Variants in HIBCH observed in about 807,000 individuals in gnomAD.
The protein encoded by HIBCH is 3-hydroxyisobutyryl-CoA hydrolase.
HIBCH carries 50 observed loss-of-function variants against 58.2 expected under a neutral mutation model. The ratio of observed to expected loss-of-function variants is 0.86; its 90% CI spans 0.68 to 1.09. The LOEUF is 1.09. HIBCH is among the 50% of genes least tolerant of loss of function. The pLI is 0.00. For missense variants in HIBCH, 450 were observed against 449.7 expected (o/e 1.00, Z -0.01); for synonymous variants, 151 against 146.9 (o/e 1.03, Z -0.20).
At chr2:190,222,314 T>G (rs1451353536) in intron 11 of HIBCH, among the ~76,000 whole-genome samples, 1 of 152,138 alleles carries the variant, frequency 6.6e-6, no homozygotes, top group Non-Finnish European at 1.5e-5. Context: ...TCCTAGCACC[T>G]GTGCACTACA....
At chr2:190,256,198 T>A (rs999083318) in intron 7 of HIBCH, among the ~76,000 whole-genome samples, 1 of 152,082 alleles carries the variant, frequency 6.6e-6, no homozygotes, top group Admixed American at 6.6e-5. Flanking sequence ...CAATTCAAGA[T>A]GAGATTTGGG....
chr2:190,315,978 A>T lies in HIBCH; in HGVS notation c.35+3738T>A, dbSNP rs1016372331. Among the ~76,000 whole-genome samples, 3 of 152,186 alleles carry T rather than the reference A, an allele frequency of 2.0e-5. No individual in the cohort carries two copies. Among genetic ancestry groups the T allele is most frequent in the Non-Finnish European group, 4.4e-5 (3 of 68,032 alleles). On this transcript the variant is annotated intron_variant, in intron 1 of 13. Coordinates refer to ENST00000359678, the MANE Select transcript of HIBCH (RefSeq NM_014362.4). This position sits in a 1 kb window ranked among gnomAD's most constrained non-coding sequence, Gnocchi z 5.4. ...GACTAGAGGTTGAAAGAAAAGTTAG[A>T]ACTAAAGGTATATCTTATGCCACAT...
At chr2:190,271,072 C>T (rs1687383469) in intron 6 of HIBCH, among the ~76,000 whole-genome samples, 1 of 151,776 alleles carries the variant, frequency 6.6e-6, no homozygotes, top group Non-Finnish European at 1.5e-5. Flanking sequence ...AATTCATCTC[C>T]CTTCACTCTC....
rs1232401935 is a variant in HIBCH, at chr2:190,304,573, C to T, written c.78+6181G>A. On this transcript the variant is annotated intron_variant, in intron 2 of 13. Coordinates refer to ENST00000359678, the MANE Select transcript of HIBCH (RefSeq NM_014362.4). The surrounding 1 kb of genome is among the most constrained non-coding windows in gnomAD (Gnocchi z 4.1). ...TACATCCACACTGGGGGTTAAATTT[C>T]GAAATGAGTTTTGGAGCGGGCAAAT... is the stretch of plus-strand genomic sequence containing the variant. Among the ~76,000 whole-genome samples, 3 of 152,224 alleles carry T rather than the reference C, an allele frequency of 2.0e-5. No homozygotes were observed. The highest frequency in any genetic ancestry group is 2.1e-4 in the South Asian group (1 of 4,824).
At chr2:190,262,113 A>G (rs934913518) in intron 6 of HIBCH, among the ~76,000 whole-genome samples, 16 of 151,782 alleles carry the variant, frequency 1.1e-4, no homozygotes, top group African/African-American at 1.7e-4. Context: ...CATTTGAGCT[A>G]AAGATGACAA....
chr2:190,272,316 G>A (rs1269410622), intron 6 of HIBCH, among the ~76,000 whole-genome samples: 1 of 152,166 alleles, frequency 6.6e-6, no homozygotes, highest in Admixed American at 6.5e-5. Context: ...GGGTAAAATA[G>A]TTGAGAACAA....
chr2:190,241,869 G>C (rs866071011), intron 11 of HIBCH, among the ~76,000 whole-genome samples: 1 of 152,172 alleles, frequency 6.6e-6, no homozygotes, highest in Non-Finnish European at 1.5e-5. Flanking sequence ...TGGGTAACCC[G>C]ACCTTTCTCT....
chr2:190,294,292 A>C (rs1688047979), intron 4 of HIBCH, among the ~76,000 whole-genome samples: 1 of 151,954 alleles, frequency 6.6e-6, no homozygotes, highest in Admixed American at 6.6e-5. Flanking sequence ...GTGATGATTC[A>C]GGGAGAGAGA....
chr2:190,252,695 T>A (rs1453965833), intron 7 of HIBCH, among the ~76,000 whole-genome samples: 1 of 152,172 alleles, frequency 6.6e-6, no homozygotes, highest in Non-Finnish European at 1.5e-5. Flanking sequence ...ATACATAACC[T>A]ATGGCCTATT....
intron 6 of HIBCH, among the ~76,000 whole-genome samples, chr2:190,286,368 G>C (rs1043856824): frequency 6.6e-6 from 1 of 152,104 alleles, no homozygotes; most frequent in Non-Finnish European, 1.5e-5. Context: ...GTGGGTCTTT[G>C]GGTCTTCTTT....
chr2:190,255,742 C>T (rs914070493), intron 7 of HIBCH, among the ~76,000 whole-genome samples: 7 of 152,080 alleles, frequency 4.6e-5, no homozygotes, highest in African/African-American at 9.7e-5. Flanking sequence ...AGAATTCCCA[C>T]AACAGAGTAC....
chr2:190,236,528 A>G lies in HIBCH; in HGVS notation c.891+8359T>C, dbSNP rs1254593203. 6.6e-6 allele frequency among the ~76,000 whole-genome samples: 1 copy of G among 152,216 alleles called. No individual in the cohort carries two copies. The highest frequency in any genetic ancestry group is 1.5e-5 in the Non-Finnish European group (1 of 68,030). On this transcript the variant is annotated intron_variant, in intron 11 of 13. Coordinates refer to ENST00000359678, the MANE Select transcript of HIBCH (RefSeq NM_014362.4). The surrounding 1 kb of genome is among the most constrained non-coding windows in gnomAD (Gnocchi z 4.1). ...GACAATAAACCAATACAAATACAAA[A>G]TATTTAAAACAAGAACAAGTCAATG...
At chr2:190,287,503 T>A (rs1687860766) in intron 6 of HIBCH, 83 bp downstream of exon 6, 1 of 883,414 alleles carries the variant, frequency 1.1e-6, no homozygotes, top group Admixed American at 1.8e-5. Context: ...ATTACATTCA[T>A]CAGCTCACTT....
intron 9 of HIBCH, among the ~76,000 whole-genome samples, chr2:190,247,550 T>C (rs1686646410): frequency 6.6e-6 from 1 of 152,228 alleles, no homozygotes; most frequent in African/African-American, 2.4e-5. Flanking sequence ...TCCCTCTATC[T>C]TCTTTACTAT....
intron 11 of HIBCH, 69 bp from the exon 12 acceptor site, chr2:190,213,144 G>A (rs1690553696): frequency 8.3e-7 from 1 of 1,208,804 alleles, no homozygotes. Flanking sequence ...AATGGGCAGA[G>A]TGTCTATGTA....
intron 11 of HIBCH, among the ~76,000 whole-genome samples, chr2:190,231,165 G>GA (rs889125872): frequency 2.1e-4 from 32 of 152,058 alleles, no homozygotes; most frequent in Admixed American, 6.6e-5. Flanking sequence ...AATAATGTGG[G>GA]AAAAAATTAA....
At chr2:190,280,107 A>ACC (rs1687664667) in intron 6 of HIBCH, 1 of 152,246 alleles carries the variant, frequency 6.6e-6, no homozygotes, top group African/African-American at 2.4e-5. Context: ...GGCACCGGGG[A>ACC]ACAAGGATTT....
intron 6 of HIBCH, among the ~76,000 whole-genome samples, chr2:190,274,837 T>C (rs762112689): frequency 6.6e-6 from 1 of 152,202 alleles, no homozygotes; most frequent in East Asian, 1.9e-4. Context: ...TCTCTGTTGA[T>C]AGGAGTCTCT....
At chr2:190,257,788 G>C (rs1217192729) in intron 7 of HIBCH, among the ~76,000 whole-genome samples, 1 of 152,170 alleles carries the variant, frequency 6.6e-6, no homozygotes, top group Non-Finnish European at 1.5e-5. Flanking sequence ...CAAGAGAGCA[G>C]AAGGAAAGGG....
Sources: allele counts gnomAD v4.1 joint callset (sites outside exome capture counted in the v4.1 genomes callset), GRCh38; gene constraint gnomAD v4.1.1; non-coding constraint Gnocchi (gnomAD v3.1); transcripts MANE v1.5; gene names NCBI Gene and HGNC (gene_info 2026-07-23, HGNC 2026-07-21).